Variants in EML6 observed in about 807,000 individuals in gnomAD.
EML6 encodes echinoderm microtubule-associated protein-like 6.
In EML6, 154 loss-of-function variants were observed where a neutral mutation model predicts 240.1. The ratio of observed to expected loss-of-function variants is 0.64; its 90% CI spans 0.56 to 0.73. EML6 has a LOEUF of 0.73. Among genes scored for constraint, EML6 ranks in the 30% least tolerant of loss-of-function variants. The pLI is 0.00. For synonymous variants in EML6, 1,148 were observed against 899.0 expected, an observed-to-expected ratio of 1.28 and a Z score of -4.95; for missense variants, 2,964 against 2,474.6, an observed-to-expected ratio of 1.20 and a Z score of -4.20.
chr2:54,936,988 T>C (rs989580900), intron 28 of EML6, among the ~76,000 whole-genome samples: 14 of 116,964 alleles, frequency 1.2e-4, no homozygotes, highest in Admixed American at 1.0e-3. Context: ...TTTTTTTTTT[T>C]TAAAGTCTGG....
At chr2:54,743,713 T>C (rs917627656) in intron 2 of EML6, among the ~76,000 whole-genome samples, 8 of 152,244 alleles carry the variant, frequency 5.3e-5, no homozygotes, top group African/African-American at 1.9e-4. Context: ...AAAATACTCT[T>C]GTGCAACTCC....
intron 2 of EML6, among the ~76,000 whole-genome samples, chr2:54,806,681 G>A (rs956849858): frequency 6.7e-6 from 1 of 148,692 alleles, no homozygotes; most frequent in Non-Finnish European, 1.5e-5. Context: ...TAGGTTTCAT[G>A]TGGGTCTATC....
At chr2:54,747,768 A>T (rs1341690642) in intron 2 of EML6, among the ~76,000 whole-genome samples, 1 of 152,196 alleles carries the variant, frequency 6.6e-6, no homozygotes, top group Non-Finnish European at 1.5e-5. Flanking sequence ...CATGTTATTT[A>T]TCCTTAAGAT....
chr2:54,957,870 G>C lies in EML6; in HGVS notation c.4567G>C (p.Val1523Leu), dbSNP rs1470099793. Residue 1523 changes from valine (V) to leucine (L), a missense_variant, in exon 33 of 42, where the codon GTA (valine) becomes CTA (leucine). Physicochemically the swap from Val to Leu is conservative, Grantham distance 32. Transcript: ENST00000356458. Reference sequence around the variant, plus strand: ...TCGCCCCGACTCAGACACGCAGTTTGTATCTGTCGGGGTCAAACATATGAA... The same window carrying C: ...TCGCCCCGACTCAGACACGCAGTTTCTATCTGTCGGGGTCAAACATATGAA... ...EFRPDSDTQF[V>L]SVGVKHMKFW... 1 of 1,551,376 alleles carries C rather than the reference G, an allele frequency of 6.4e-7. No homozygotes were observed. Among genetic ancestry groups the C allele is most frequent in the Non-Finnish European group, 8.7e-7 (1 of 1,147,000 alleles).
At chr2:54,968,091 C>A (rs763287826) in intron 39 of EML6, 37 bp from the exon 40 acceptor site, 5 of 1,545,516 alleles carry the variant, frequency 3.2e-6, no homozygotes, top group Non-Finnish European at 4.4e-6. Flanking sequence ...TTCGCCGTGA[C>A]TTCCTTCTAT....
At chr2:54,787,809 A>G (rs1187862637) in intron 2 of EML6, among the ~76,000 whole-genome samples, 1 of 152,154 alleles carries the variant, frequency 6.6e-6, no homozygotes, top group Non-Finnish European at 1.5e-5. Flanking sequence ...AATTTGTTCA[A>G]GTGTCCATTG....
intron 2 of EML6, among the ~76,000 whole-genome samples, chr2:54,806,385 G>A (rs1008876748): frequency 2.0e-5 from 3 of 151,992 alleles, no homozygotes; most frequent in African/African-American, 7.2e-5. Context: ...GGCTGAGGTC[G>A]GTGGATCACC....
chr2:54,794,541 C>T (rs776643299), intron 2 of EML6, among the ~76,000 whole-genome samples: 2 of 152,172 alleles, frequency 1.3e-5, no homozygotes, highest in Non-Finnish European at 2.9e-5. Context: ...CAGCACCCCT[C>T]TGGCTTCTGT....
At chr2:54,955,848 A>T (rs1676207638) in intron 32 of EML6, among the ~76,000 whole-genome samples, 1 of 152,202 alleles carries the variant, frequency 6.6e-6, no homozygotes, top group Non-Finnish European at 1.5e-5. Flanking sequence ...TTCCGGGTTG[A>T]CCACGGACAT....
intron 7 of EML6, among the ~76,000 whole-genome samples, chr2:54,834,030 A>G (rs1182488034): frequency 6.6e-6 from 1 of 152,178 alleles, no homozygotes; most frequent in Non-Finnish European, 1.5e-5. Context: ...GAATTCCAAA[A>G]TGCATCTGGC....
rs974583325 is a variant in EML6, at chr2:54,724,220, T to C, written c.-513-329T>C. Reference sequence around the variant, plus strand: ...AGCTGCTAAGTTCTTTATGGCTTTCTCGGTGAAGAGAAGGTTCACGGAGGA... The same window carrying C: ...AGCTGCTAAGTTCTTTATGGCTTTCCCGGTGAAGAGAAGGTTCACGGAGGA... On this transcript the variant is annotated intron_variant, in intron 1 of 41. Transcript: ENST00000356458. This position sits in a 1 kb window ranked among gnomAD's most constrained non-coding sequence, Gnocchi z 5.2. Among the ~76,000 whole-genome samples the C allele has an allele frequency of 6.6e-6, 1 of 152,174 alleles. No homozygotes were observed.
chr2:54,913,023 C>T (rs1194685718), intron 25 of EML6, among the ~76,000 whole-genome samples: 1 of 151,288 alleles, frequency 6.6e-6, no homozygotes, highest in Admixed American at 6.6e-5. Flanking sequence ...TACATTCCCA[C>T]CAACAGTGAA....
At chr2:54,910,211 T>C (rs1277710521) in intron 24 of EML6, among the ~76,000 whole-genome samples, 1 of 152,172 alleles carries the variant, frequency 6.6e-6, no homozygotes, top group Non-Finnish European at 1.5e-5. Flanking sequence ...GTTTGAAACT[T>C]TCCATAATAT....
chr2:54,874,263 A>G (rs1431211105), intron 16 of EML6, among the ~76,000 whole-genome samples: 5 of 152,234 alleles, frequency 3.3e-5, no homozygotes, highest in Non-Finnish European at 7.3e-5. Flanking sequence ...TAGAAGAAAG[A>G]ACAAGAAATT....
chr2:54,891,003 G>T, intron 17 of EML6, 51 bp from the exon 18 acceptor site: 1 of 869,876 alleles, frequency 1.1e-6, no homozygotes. Flanking sequence ...TAATAAAACT[G>T]TTACTGCTTC....
At position 54,970,174 on chromosome 2, in the gene EML6, G is replaced by A. The variant is rs1262261564; in HGVS notation, c.*79G>A. ...AGAGGCCATGCTGAGGTGCCTCCTT[G>A]CCACCAGCCGTTGGGAAATGCCTAC... On this transcript the variant is annotated 3_prime_UTR_variant, in exon 42 of 42. Transcript: ENST00000356458. 3.5e-6 allele frequency: 5 copies of A among 1,419,786 alleles called. No individual in the cohort carries two copies. The highest frequency in any genetic ancestry group is 4.9e-6 in the Non-Finnish European group (5 of 1,027,838). 87.9% of individuals were successfully genotyped at this position (1,419,786 alleles called of 1,614,324 possible).
At position 54,967,075 on chromosome 2, in the gene EML6, G is replaced by A; in HGVS notation, c.5569G>A (p.Glu1857Lys). ...GKQVTEAVVI[E>K]KITWASWTSV... is the part of the protein sequence containing the mutation. The stretch of plus-strand genomic sequence containing the variant: ...GCAGGTAACTGAAGCCGTGGTCATT[G>A]AGAAGATCACCTGGGCCTCCTGGAC... Residue 1857 changes from glutamate to lysine, a missense_variant, in exon 39 of 42, where the codon GAG becomes AAG. Transcript: ENST00000356458. 2.6e-6 allele frequency: 4 copies of A among 1,551,456 alleles called. No individual in the cohort carries two copies. Among genetic ancestry groups the A allele is most frequent in the Non-Finnish European group, 3.5e-6 (4 of 1,146,852 alleles).
At chr2:54,898,148 C>T (rs1248993353) in intron 21 of EML6, among the ~76,000 whole-genome samples, 3 of 152,024 alleles carry the variant, frequency 2.0e-5, no homozygotes. Context: ...TGTTTATGAT[C>T]AGCTTTGTGG....
At chr2:54,847,059 T>C (rs1361890450) in intron 8 of EML6, among the ~76,000 whole-genome samples, 1 of 151,414 alleles carries the variant, frequency 6.6e-6, no homozygotes, top group Non-Finnish European at 1.5e-5. Flanking sequence ...AGGCACACAC[T>C]ACCACATCCA....
Sources: allele counts gnomAD v4.1 joint callset (sites outside exome capture counted in the v4.1 genomes callset), GRCh38; gene constraint gnomAD v4.1.1; non-coding constraint Gnocchi (gnomAD v3.1); transcripts MANE v1.5; gene names NCBI Gene and HGNC (gene_info 2026-07-23, HGNC 2026-07-21).